Variants in TMC1 observed in about 807,000 individuals in gnomAD.
TMC1 encodes transmembrane channel-like protein 1.
A neutral mutation model predicts 105.8 loss-of-function variants in TMC1; 84 were observed. That is an observed-to-expected ratio of 0.79 (90% CI 0.67 to 0.95). The LOEUF (loss-of-function observed/expected upper bound fraction) is 0.95, where lower values mean the gene tolerates loss of function less well. Ranked by LOEUF, TMC1 falls within the 40% of genes least tolerant of loss-of-function variation. The pLI is 0.00. For missense variants in TMC1, 817 were observed against 914.1 expected (o/e 0.89, Z 1.37); for synonymous variants, 315 against 311.5 (o/e 1.01, Z -0.12).
At position 72,644,710 on chromosome 9, in the gene TMC1, G is replaced by T. The variant is rs552512863; in HGVS notation, c.-52-3887G>T. Among the ~76,000 whole-genome samples, 7 of 152,232 alleles carry T rather than the reference G, an allele frequency of 4.6e-5. No individual in the cohort carries two copies. In the East Asian group the frequency reaches 1.2e-3, roughly 25 times the overall value. ...GTCTGCTATTTTCTTCCTTTTCAAG[G>T]TTGCATTTTCCTATTCCAAGTAATT... On this transcript the variant is annotated intron_variant, in intron 4 of 23. Coordinates refer to ENST00000297784, the MANE Select transcript of TMC1 (RefSeq NM_138691.3).
intron 4 of TMC1, among the ~76,000 whole-genome samples, chr9:72,631,631 A>G (rs1373513550): frequency 6.6e-6 from 1 of 152,204 alleles, no homozygotes; most frequent in African/African-American, 2.4e-5. Context: ...GAGGTTCTTG[A>G]ATAGTCATTT....
chr9:72,664,565 A>T (rs1234741842), intron 5 of TMC1, among the ~76,000 whole-genome samples: 1 of 152,170 alleles, frequency 6.6e-6, no homozygotes, highest in Non-Finnish European at 1.5e-5. Flanking sequence ...AGAGGAGCAG[A>T]AGAGTGGTGC....
chr9:72,537,923 G>C (rs1213217826), intron 1 of TMC1, among the ~76,000 whole-genome samples: 1 of 152,106 alleles, frequency 6.6e-6, no homozygotes, highest in Non-Finnish European at 1.5e-5. Flanking sequence ...GGAGGCTGAG[G>C]TGGTCAGATT....
chr9:72,699,157 G>A (rs1049370236), intron 7 of TMC1, among the ~76,000 whole-genome samples: 1 of 152,130 alleles, frequency 6.6e-6, no homozygotes, highest in Admixed American at 6.5e-5. Context: ...CTACAATGTG[G>A]TATTGCATGC....
At chr9:72,707,796 G>A (rs1391792955) in intron 8 of TMC1, among the ~76,000 whole-genome samples, 1 of 151,932 alleles carries the variant, frequency 6.6e-6, no homozygotes, top group African/African-American at 2.4e-5. Context: ...TGTTTTTGTT[G>A]CATTTGCTTT....
intron 13 of TMC1, among the ~76,000 whole-genome samples, chr9:72,779,677 G>A (rs1466396459): frequency 6.6e-6 from 1 of 152,048 alleles, no homozygotes; most frequent in Non-Finnish European, 1.5e-5. Context: ...GCTCAAAAGT[G>A]GTTCTTCAAA....
intron 12 of TMC1, among the ~76,000 whole-genome samples, chr9:72,769,203 A>G (rs1041629924): frequency 6.6e-6 from 1 of 152,224 alleles, no homozygotes; most frequent in African/African-American, 2.4e-5. Flanking sequence ...CAGTTTCTTC[A>G]TCTGTAAAAT....
At chr9:72,708,726 C>T (rs1826785524) in intron 8 of TMC1, among the ~76,000 whole-genome samples, 1 of 152,072 alleles carries the variant, frequency 6.6e-6, no homozygotes, top group Admixed American at 6.6e-5. Flanking sequence ...GTGACAGTTT[C>T]ACCTCTTTAC....
At chr9:72,766,147 G>A (rs1261037614) in intron 12 of TMC1, among the ~76,000 whole-genome samples, 1 of 152,152 alleles carries the variant, frequency 6.6e-6, no homozygotes, top group Non-Finnish European at 1.5e-5. Context: ...GCTGGGCGTG[G>A]TGGCTCACAC....
intron 1 of TMC1, among the ~76,000 whole-genome samples, chr9:72,533,759 T>G (rs556577604): frequency 1.2e-3 from 180 of 152,338 alleles, no homozygotes; most frequent in African/African-American, 4.2e-3. Flanking sequence ...ATTGGTTTCA[T>G]GCGTTTCTCT....
chr9:72,548,096 T>G (rs1039971672), intron 1 of TMC1, among the ~76,000 whole-genome samples: 7 of 152,188 alleles, frequency 4.6e-5, no homozygotes, highest in African/African-American at 1.7e-4. Flanking sequence ...ACTTGGAGAT[T>G]TAGCCTTCAA....
chr9:72,722,453 G>A (rs532269780), intron 8 of TMC1, among the ~76,000 whole-genome samples: 1 of 152,152 alleles, frequency 6.6e-6, no homozygotes, highest in South Asian at 2.1e-4. Flanking sequence ...CTCTTTCTCT[G>A]CCAACGCCCA....
rs375528799 is a variant in TMC1, at chr9:72,757,493, T to C, written c.741+2609T>C. On this transcript the variant is annotated intron_variant, in intron 12 of 23. Coordinates refer to ENST00000297784, the MANE Select transcript of TMC1 (RefSeq NM_138691.3). ...CAAAATGCTTGAGACCAGAAGTGTT[T>C]CATATTTCAAATTTTTTCAGATTTT... 1.5e-4 allele frequency among the ~76,000 whole-genome samples: 23 copies of C among 152,312 alleles called. No homozygotes were observed. In the South Asian group the frequency reaches 4.3e-3, roughly 29 times the overall value.
chr9:72,551,138 C>T (rs1196755146), intron 1 of TMC1, among the ~76,000 whole-genome samples: 1 of 152,126 alleles, frequency 6.6e-6, no homozygotes, highest in African/African-American at 2.4e-5. Flanking sequence ...ATAATTGGCC[C>T]TGTAGAGGTT....
At chr9:72,660,743 C>T (rs775095653) in intron 5 of TMC1, among the ~76,000 whole-genome samples, 2 of 152,212 alleles carry the variant, frequency 1.3e-5, no homozygotes, top group South Asian at 2.1e-4. Context: ...GTCAAAATTA[C>T]GAAGTATCCC....
intron 13 of TMC1, among the ~76,000 whole-genome samples, chr9:72,780,502 T>C (rs2118152598): frequency 6.6e-6 from 1 of 152,220 alleles, no homozygotes; most frequent in South Asian, 2.1e-4. Context: ...CTGTATGTTG[T>C]CTTCAAGGGA....
At chr9:72,753,588 A>T (rs1251561607) in intron 11 of TMC1, among the ~76,000 whole-genome samples, 1 of 152,008 alleles carries the variant, frequency 6.6e-6, no homozygotes, top group East Asian at 1.9e-4. Context: ...ATACCCTTTT[A>T]TAGGTTGTAT....
At chr9:72,744,078 T>C (rs755502731) in intron 10 of TMC1, among the ~76,000 whole-genome samples, 1 of 152,150 alleles carries the variant, frequency 6.6e-6, no homozygotes, top group African/African-American at 2.4e-5. Flanking sequence ...GTTTTAGGAG[T>C]GGCTAACCCT....
intron 1 of TMC1, among the ~76,000 whole-genome samples, chr9:72,560,910 G>T (rs887331001): frequency 1.3e-5 from 2 of 152,162 alleles, no homozygotes; most frequent in African/African-American, 4.8e-5. Flanking sequence ...TCAGATTTCT[G>T]TAGGGGTACC....
Sources: gnomAD v4.1 joint callset for allele counts (sites outside exome capture counted in the v4.1 genomes callset) on GRCh38, gnomAD v4.1.1 for gene constraint, MANE v1.5 for transcripts, NCBI Gene and HGNC (gene_info 2026-07-23, HGNC 2026-07-21) for gene names.